WLS: variants seen among roughly 807,000 people sequenced by gnomAD.
WLS encodes the protein Wnt ligand secretion mediator, also known as protein wntless homolog.
WLS carries 23 observed loss-of-function variants against 62.8 expected under a neutral mutation model. The ratio of observed to expected loss-of-function variants is 0.37; its 90% CI spans 0.26 to 0.52. The LOEUF (loss-of-function observed/expected upper bound fraction) is 0.52, where lower values mean the gene tolerates loss of function less well. Ranked by LOEUF, WLS falls within the 20% of genes least tolerant of loss-of-function variation. The pLI is 0.92. For synonymous variants in WLS, 246 were observed against 244.1 expected, an observed-to-expected ratio of 1.01 and a Z score of -0.07; for missense variants, 615 against 697.3, an observed-to-expected ratio of 0.88 and a Z score of 1.33.
chr1:68,102,708 C>T (rs1646094548), intron 11 of WLS: 1 of 152,140 alleles, frequency 6.6e-6, no homozygotes, highest in Non-Finnish European at 1.5e-5. Flanking sequence ...GAAATGTAAC[C>T]CAAGCATCTT....
chr1:68,227,291 G>A (rs1007992022), intron 1 of WLS, among the ~76,000 whole-genome samples: 2 of 151,922 alleles, frequency 1.3e-5, no homozygotes, highest in Non-Finnish European at 2.9e-5. Context: ...GGTAGCAGGT[G>A]CCTGTAATCC....
Position 68,126,227 on chromosome 1 carries a change from T to C in WLS, c.1625A>G (p.Ter542TrpextTer17). The change falls in exon 12 of 12, where the codon TAG becomes TGG. Residue 542 changes from the stop codon to tryptophan, a stop_lost. Transcript: ENST00000262348. Reference sequence around the variant, plus strand: ...GTCCCAGCCGGGCGCTGCAGCCTCCTACTCCTGGGCCTCCTTGCGGGTCAA... The same window carrying C: ...GTCCCAGCCGGGCGCTGCAGCCTCCCACTCCTGGGCCTCCTTGCGGGTCAA... ...YKLTRKEAQE[*>W] 1 of 1,614,156 alleles carries C rather than the reference T, an allele frequency of 6.2e-7. No homozygotes were observed. The highest frequency in any genetic ancestry group is 8.5e-7 in the Non-Finnish European group (1 of 1,180,020).
intron 11 of WLS, chr1:68,099,914 C>T (rs1249774169): frequency 1.3e-5 from 2 of 152,228 alleles, no homozygotes; most frequent in Middle Eastern, 3.2e-3. Flanking sequence ...AGGATAATAT[C>T]ACTACCTACA....
chr1:68,208,990 A>G (rs1649397536), intron 1 of WLS, among the ~76,000 whole-genome samples: 1 of 151,948 alleles, frequency 6.6e-6, no homozygotes, highest in South Asian at 2.1e-4. Context: ...CCATCCCTCT[A>G]CTCAGAGATT....
chr1:68,232,184 C>T lies in WLS; in HGVS notation c.106+10G>A, dbSNP rs372809927. On this transcript the variant is annotated intron_variant, in intron 1 of 11. Transcript: ENST00000262348. ...GAAAGGGGGAAAAGTTTGCAGCTCTCCGCACTTACCAATCAAGCCTCCCAC... is the reference window on the plus strand; with the variant it reads ...GAAAGGGGGAAAAGTTTGCAGCTCTTCGCACTTACCAATCAAGCCTCCCAC... The T allele has an allele frequency of 1.2e-6, 2 of 1,614,080 alleles. No individual in the cohort carries two copies. The highest frequency in any genetic ancestry group is 8.5e-7 in the Non-Finnish European group (1 of 1,180,016).
At position 68,106,544 on chromosome 1, in the gene WLS, CAA is replaced by C. The variant is rs562049668; in HGVS notation, c.1511-7793_1511-7792del. On this transcript the variant is annotated intron_variant, in intron 11 of 11. Coordinates refer to the WLS transcript ENST00000354777. Reference sequence around the variant, plus strand: ...ATACGGTTATTGGAGGCAAAACAATCAAAATTCCATTCCAGAAACGTGTCCCT... The same window carrying C: ...ATACGGTTATTGGAGGCAAAACAATCAATTCCATTCCAGAAACGTGTCCCT... 3.3e-5 allele frequency among the ~76,000 whole-genome samples: 5 copies of C among 152,310 alleles called. No individual in the cohort carries two copies. The South Asian group carries it at 1.0e-3, about 32-fold the overall frequency.
intron 2 of WLS, among the ~76,000 whole-genome samples, chr1:68,170,941 T>C (rs1398546815): frequency 6.6e-6 from 1 of 152,212 alleles, no homozygotes; most frequent in African/African-American, 2.4e-5. Context: ...ATGATTATCA[T>C]CCTTCTTTCT....
intron 2 of WLS, 133 bp from the exon 3 acceptor site, chr1:68,159,380 C>G (rs1557484805): frequency 1.7e-6 from 2 of 1,200,780 alleles, no homozygotes; most frequent in Non-Finnish European, 2.3e-6. Flanking sequence ...TATCAAACTC[C>G]AAACCTGAAG....
At chr1:68,146,929 G>A (rs980062172) in intron 8 of WLS, among the ~76,000 whole-genome samples, 10 of 151,590 alleles carry the variant, frequency 6.6e-5, no homozygotes, top group African/African-American at 1.2e-4. Flanking sequence ...TTTGTTGCCC[G>A]GGCTGAAGTG....
chr1:68,193,657 C>A (rs1362951803), intron 2 of WLS, among the ~76,000 whole-genome samples: 1 of 152,090 alleles, frequency 6.6e-6, no homozygotes, highest in Non-Finnish European at 1.5e-5. Context: ...GTGGTTAGGG[C>A]AGTTTTCTGA....
At chr1:68,229,916 G>T (rs1290334923) in intron 1 of WLS, among the ~76,000 whole-genome samples, 1 of 152,156 alleles carries the variant, frequency 6.6e-6, no homozygotes, top group South Asian at 2.1e-4. Context: ...TAATTGAGGG[G>T]AAGCTAGTTA....
intron 11 of WLS, among the ~76,000 whole-genome samples, chr1:68,111,239 A>G (rs1027174018): frequency 7.9e-5 from 12 of 152,214 alleles, no homozygotes; most frequent in African/African-American, 2.9e-4. Context: ...GGGACCATAG[A>G]TGAACTACAT....
chr1:68,196,654 C>T (rs2100612119), intron 1 of WLS, among the ~76,000 whole-genome samples: 1 of 152,184 alleles, frequency 6.6e-6, no homozygotes, highest in Admixed American at 6.5e-5. Context: ...GAAGTTAGGA[C>T]AATGCCTATT....
chr1:68,210,874 G>A (rs1449124884), intron 1 of WLS, among the ~76,000 whole-genome samples: 2 of 152,086 alleles, frequency 1.3e-5, no homozygotes, highest in African/African-American at 2.4e-5. Context: ...TGATCAAGGG[G>A]TAAGGCAGTA....
chr1:68,134,692 A>G (rs1646579849), intron 11 of WLS, among the ~76,000 whole-genome samples: 1 of 152,226 alleles, frequency 6.6e-6, no homozygotes, highest in African/African-American at 2.4e-5. Context: ...ATTTAAAAAC[A>G]CCCACTTAGC....
intron 2 of WLS, among the ~76,000 whole-genome samples, chr1:68,166,033 C>G (rs1647055020): frequency 6.6e-6 from 1 of 152,012 alleles, no homozygotes; most frequent in Non-Finnish European, 1.5e-5. Flanking sequence ...TGAGGATCCT[C>G]AAAGGAAAAA....
chr1:68,183,427 A>G, intron 2 of WLS: 1 of 352,846 alleles, frequency 2.8e-6, no homozygotes, highest in South Asian at 2.4e-5. Flanking sequence ...CCATCATAGC[A>G]GGGATAGTTC....
intron 1 of WLS, among the ~76,000 whole-genome samples, chr1:68,223,482 G>A (rs1650021905): frequency 6.6e-6 from 1 of 152,162 alleles, no homozygotes; most frequent in Middle Eastern, 3.2e-3. Flanking sequence ...AGAAGGAAAA[G>A]AATGGATAAT....
chr1:68,199,279 C>G (rs1030631145), intron 1 of WLS, among the ~76,000 whole-genome samples: 4 of 152,128 alleles, frequency 2.6e-5, no homozygotes, highest in African/African-American at 9.7e-5. Context: ...CCTCCCAGAC[C>G]CCCATTTGCT....
Sources: allele counts gnomAD v4.1 joint callset (sites outside exome capture counted in the v4.1 genomes callset), GRCh38; gene constraint gnomAD v4.1.1; transcripts MANE v1.5; gene names NCBI Gene and HGNC (gene_info 2026-07-23, HGNC 2026-07-21).